NUP93: variants seen among roughly 807,000 people sequenced by gnomAD.
The protein encoded by NUP93 is nuclear pore complex protein Nup93.
NUP93 carries 55 observed loss-of-function variants against 107.8 expected under a neutral mutation model. That is an observed-to-expected ratio of 0.51 (90% CI 0.41 to 0.64). The LOEUF is 0.64. NUP93 is among the 30% of genes least tolerant of loss of function. NUP93 has a pLI of 0.00. For missense variants in NUP93, 937 were observed against 1,044.7 expected, an observed-to-expected ratio of 0.90 and a Z score of 1.42; for synonymous variants, 390 against 397.5, an observed-to-expected ratio of 0.98 and a Z score of 0.22.
chr16:56,740,389 G>A (rs1266589314), intron 1 of NUP93, among the ~76,000 whole-genome samples: 138 of 151,560 alleles, frequency 9.1e-4, no homozygotes, highest in Non-Finnish European at 2.8e-4. Flanking sequence ...TCCCAGATGG[G>A]GCGGCGGGGC....
intron 3 of NUP93, among the ~76,000 whole-genome samples, chr16:56,792,042 A>T (rs1483340853): frequency 6.6e-6 from 1 of 152,208 alleles, no homozygotes; most frequent in Non-Finnish European, 1.5e-5. Context: ...ATTGGGCCAG[A>T]TGTGGCAAGA....
At chr16:56,746,997 ATTTTTTTT>A (rs1261707762) in intron 1 of NUP93, among the ~76,000 whole-genome samples, 1 of 143,614 alleles carries the variant, frequency 7.0e-6, no homozygotes, top group East Asian at 2.0e-4. Flanking sequence ...TAGCAATGTA[ATTTTTTTT>A]TTTTTTTTCC....
intron 9 of NUP93, among the ~76,000 whole-genome samples, chr16:56,829,348 A>T (rs1308694998): frequency 6.6e-6 from 1 of 152,232 alleles, no homozygotes; most frequent in African/African-American, 2.4e-5. Flanking sequence ...GGTTCTGGAC[A>T]TGTTTTGAAA....
At chr16:56,731,330 A>G (rs1405182032) in intron 1 of NUP93, among the ~76,000 whole-genome samples, 2 of 151,992 alleles carry the variant, frequency 1.3e-5, no homozygotes, top group African/African-American at 2.4e-5. Context: ...TCTCATCTCA[A>G]TAATAGGAAA....
intron 3 of NUP93, among the ~76,000 whole-genome samples, chr16:56,797,498 A>T (rs1218703310): frequency 6.6e-6 from 1 of 152,158 alleles, no homozygotes; most frequent in Non-Finnish European, 1.5e-5. Flanking sequence ...TGCACTCTGT[A>T]TATCTGTCTG....
chr16:56,813,052 T>C (rs141510726), intron 5 of NUP93, among the ~76,000 whole-genome samples: 78 of 152,324 alleles, frequency 5.1e-4, no homozygotes, highest in African/African-American at 1.7e-3. Flanking sequence ...AACAATCCCT[T>C]AATGTATTGT....
chr16:56,730,736 C>G (rs1168992425), intron 1 of NUP93, among the ~76,000 whole-genome samples: 1 of 152,170 alleles, frequency 6.6e-6, no homozygotes. Flanking sequence ...TGATTGGAAC[C>G]CAGGGGTGGC....
intron 1 of NUP93, among the ~76,000 whole-genome samples, chr16:56,740,081 C>G (rs1961694153): frequency 2.4e-5 from 3 of 123,448 alleles, no homozygotes; most frequent in Non-Finnish European, 3.4e-5. Flanking sequence ...AGGGCTCACC[C>G]CCCCACCTCC....
rs1490815015 is a variant in NUP93 at position 56,839,577 on chromosome 16, G to A, written c.2193G>A (p.Val731=). ...PLNQESVEER[V]AAFRNFSDEI... is the part of the protein sequence containing the mutation. Reference sequence around the variant, plus strand: ...ATCAGGAAAGTGTGGAAGAGAGAGTGGCTGCCTTCAGAAATTTCAGTGATG... The same window carrying A: ...ATCAGGAAAGTGTGGAAGAGAGAGTAGCTGCCTTCAGAAATTTCAGTGATG... The change falls in exon 20 of 22, where the codon GTG becomes GTA. Residue 731 remains valine (V), a synonymous_variant. Coordinates refer to ENST00000308159, the MANE Select transcript of NUP93 (RefSeq NM_014669.5). 2 of 1,613,848 alleles carry A rather than the reference G, an allele frequency of 1.2e-6. No homozygotes were observed. Among genetic ancestry groups the A allele is most frequent in the African/African-American group, 1.3e-5 (1 of 74,896 alleles).
intron 3 of NUP93, among the ~76,000 whole-genome samples, chr16:56,796,181 A>G (rs927719524): frequency 6.6e-6 from 1 of 152,336 alleles, no homozygotes; most frequent in East Asian, 1.9e-4. Flanking sequence ...AACAGAATAC[A>G]CTAATGTGCC....
intron 3 of NUP93, among the ~76,000 whole-genome samples, chr16:56,767,967 T>G (rs1465460704): frequency 6.6e-6 from 1 of 152,242 alleles, no homozygotes; most frequent in Non-Finnish European, 1.5e-5. Flanking sequence ...GACTGAGAGA[T>G]ACTTTTATAA....
At chr16:56,775,678 G>T (rs1356736883) in intron 3 of NUP93, among the ~76,000 whole-genome samples, 1 of 152,158 alleles carries the variant, frequency 6.6e-6, no homozygotes, top group Non-Finnish European at 1.5e-5. Flanking sequence ...AACAGTGTGG[G>T]GAAAGCGGAT....
chr16:56,804,318 A>G (rs1490022505), intron 4 of NUP93, among the ~76,000 whole-genome samples: 6 of 152,244 alleles, frequency 3.9e-5, no homozygotes, highest in African/African-American at 1.4e-4. Flanking sequence ...GGTGTCCATC[A>G]GTGAATGAAT....
At chr16:56,835,888 G>A (rs1461245040) in intron 16 of NUP93, among the ~76,000 whole-genome samples, 1 of 152,070 alleles carries the variant, frequency 6.6e-6, no homozygotes, top group Non-Finnish European at 1.5e-5. Context: ...CAGCACTTTG[G>A]GAGGCCGAGG....
chr16:56,841,692 T>A lies in NUP93; in HGVS notation c.2221-13T>A. 6.2e-7 allele frequency: 1 copy of A among 1,612,376 alleles called. No homozygotes were observed. Among genetic ancestry groups the A allele is most frequent in the South Asian group, 1.1e-5 (1 of 90,652 alleles). On this transcript the variant is annotated splice_polypyrimidine_tract_variant and intron_variant, in intron 20 of 21. Transcript: ENST00000308159. Reference sequence around the variant, plus strand: ...TGGTTCTTTTTCTTTACTCTGTTTTTCTCTCTATGTAGATCAGGCACAACC... The same window carrying A: ...TGGTTCTTTTTCTTTACTCTGTTTTACTCTCTATGTAGATCAGGCACAACC...
rs192954443 is a variant in NUP93 at position 56,830,796 on chromosome 16, G to A, written c.1085+111G>A. 578 of 1,010,142 alleles carry A rather than the reference G, an allele frequency of 5.7e-4. 1 individual carries two copies. Among genetic ancestry groups the A allele is most frequent in the South Asian group, 2.9e-3 (111 of 38,116 alleles). 62.6% of individuals were successfully genotyped at this position (1,010,142 alleles called of 1,614,324 possible). On this transcript the variant is annotated intron_variant, in intron 10 of 21. Transcript: ENST00000308159. ...ACGGGCCCAAAACAAGTTTCTGCTT[G>A]GGGGAAAAAGGAAGTTTTGAAAGCA...
chr16:56,832,530 A>G, intron 12 of NUP93, 142 bp downstream of exon 12: 1 of 648,842 alleles, frequency 1.5e-6, no homozygotes, highest in South Asian at 1.8e-5. Context: ...AAAACACAAC[A>G]AAACTACCAT....
intron 6 of NUP93, among the ~76,000 whole-genome samples, chr16:56,821,093 C>T (rs1465308607): frequency 2.6e-5 from 4 of 152,142 alleles, no homozygotes; most frequent in Non-Finnish European, 5.9e-5. Context: ...AGGCAGTGCC[C>T]AACATTCCCC....
chr16:56,814,210 G>C (rs1012360622), intron 5 of NUP93, among the ~76,000 whole-genome samples: 2 of 151,896 alleles, frequency 1.3e-5, no homozygotes, highest in African/African-American at 4.8e-5. Flanking sequence ...TTTGAGATAG[G>C]GTCTCTGTCA....
Sources: gnomAD v4.1 joint callset for allele counts (sites outside exome capture counted in the v4.1 genomes callset) on GRCh38, gnomAD v4.1.1 for gene constraint, MANE v1.5 for transcripts, NCBI Gene and HGNC (gene_info 2026-07-23, HGNC 2026-07-21) for gene names.